MALRD1: variants seen among roughly 807,000 people sequenced by gnomAD.
The protein encoded by MALRD1 is MAM and LDL-receptor class A domain-containing protein 1.
A neutral mutation model predicts 242.1 loss-of-function variants in MALRD1; 247 were observed. That is an observed-to-expected ratio of 1.02 (90% CI 0.92 to 1.13). MALRD1 has a LOEUF of 1.13. Ranked by LOEUF, MALRD1 falls within the 50% of genes most tolerant of loss-of-function variation. The pLI is 0.00. For synonymous variants in MALRD1, 995 were observed against 866.6 expected (o/e 1.15, Z -2.60); for missense variants, 2,989 against 2,533.1 (o/e 1.18, Z -3.86).
intron 4 of MALRD1, among the ~76,000 whole-genome samples, chr10:19,098,613 C>T (rs1260365985): frequency 1.3e-5 from 2 of 152,158 alleles, no homozygotes; most frequent in East Asian, 1.9e-4. Context: ...ATGTATACTA[C>T]TAATTAAGAA....
intron 29 of MALRD1, among the ~76,000 whole-genome samples, chr10:19,466,869 A>G (rs7077661): frequency 0.81 from 123,833 of 152,042 alleles, 50,624 homozygotes; most frequent in East Asian, 1. Flanking sequence ...CATCACATGA[A>G]ACCAGGTGTG....
chr10:19,537,801 C>T (rs1834756810), intron 32 of MALRD1, among the ~76,000 whole-genome samples: 1 of 152,126 alleles, frequency 6.6e-6, no homozygotes, highest in Non-Finnish European at 1.5e-5. Flanking sequence ...TCTTGTCCCT[C>T]CTGTAGGCCC....
chr10:19,156,303 GT>G (rs753789028), intron 12 of MALRD1, among the ~76,000 whole-genome samples: 4,804 of 144,326 alleles, frequency 0.033, 97 homozygotes, highest in African/African-American at 0.049. Context: ...CCTTTCTTTT[GT>G]TTTTTTTTTT....
At chr10:19,463,744 G>T (rs1415430935) in intron 29 of MALRD1, among the ~76,000 whole-genome samples, 1 of 152,112 alleles carries the variant, frequency 6.6e-6, no homozygotes, top group Admixed American at 6.5e-5. Flanking sequence ...TAGTGGGATT[G>T]CTGGATCAAA....
At chr10:19,655,906 G>T (rs1841134638) in intron 36 of MALRD1, among the ~76,000 whole-genome samples, 1 of 152,102 alleles carries the variant, frequency 6.6e-6, no homozygotes, top group African/African-American at 2.4e-5. Context: ...TATAGAATTT[G>T]AGGACAGAGT....
intron 29 of MALRD1, among the ~76,000 whole-genome samples, chr10:19,487,007 T>A (rs1837264937): frequency 6.6e-6 from 1 of 152,186 alleles, no homozygotes. Flanking sequence ...ATAGGATCTT[T>A]CAGTTTCTCA....
At chr10:19,545,604 G>A (rs779317643) in intron 32 of MALRD1, among the ~76,000 whole-genome samples, 10 of 151,718 alleles carry the variant, frequency 6.6e-5, no homozygotes, top group East Asian at 1.9e-4. Flanking sequence ...ACTTTTCCCC[G>A]TATGTGAATA....
At chr10:19,594,588 GC>G (rs1168269853) in intron 33 of MALRD1, among the ~76,000 whole-genome samples, 2 of 152,048 alleles carry the variant, frequency 1.3e-5, no homozygotes, top group Non-Finnish European at 2.9e-5. Flanking sequence ...CAACCCAAAT[GC>G]CCATCAATCA....
At chr10:19,505,588 G>C (rs974793836) in intron 31 of MALRD1, among the ~76,000 whole-genome samples, 1 of 152,204 alleles carries the variant, frequency 6.6e-6, no homozygotes, top group Non-Finnish European at 1.5e-5. Flanking sequence ...AAGTCATTCA[G>C]CCTCTGGTAT....
chr10:19,636,830 C>T (rs1840151588), intron 36 of MALRD1, among the ~76,000 whole-genome samples: 1 of 147,480 alleles, frequency 6.8e-6, no homozygotes, highest in Non-Finnish European at 1.5e-5. Context: ...GCCTGGGAGG[C>T]AGAAGTTGCA....
chr10:19,631,345 T>TAAAAAAC (rs1839892777), intron 36 of MALRD1, among the ~76,000 whole-genome samples: 1 of 152,212 alleles, frequency 6.6e-6, no homozygotes, highest in South Asian at 2.1e-4. Flanking sequence ...TATGGCTGCA[T>TAAAAAAC]AGTATTTCAT....
intron 2 of MALRD1, among the ~76,000 whole-genome samples, chr10:19,084,839 T>C (rs1835613498): frequency 1.3e-5 from 2 of 152,056 alleles, no homozygotes; most frequent in Admixed American, 1.3e-4. Context: ...TTTAAGACTA[T>C]AAATGAAATT....
chr10:19,251,869 C>G (rs1056547837), intron 18 of MALRD1, among the ~76,000 whole-genome samples: 3 of 151,896 alleles, frequency 2.0e-5, no homozygotes, highest in African/African-American at 7.3e-5. Flanking sequence ...TGAGGGAGTT[C>G]TCATGAGATC....
chr10:19,672,543 C>T (rs1009932212), intron 36 of MALRD1, among the ~76,000 whole-genome samples: 7 of 151,782 alleles, frequency 4.6e-5, no homozygotes, highest in Admixed American at 1.3e-4. Context: ...CCTGCCTCAG[C>T]TTCCCGAGTA....
chr10:19,204,403 CTTTCCTT>C lies in MALRD1; in HGVS notation c.2201_2207del (p.Leu734ProfsTer27). 6.5e-7 allele frequency: 1 copy of C among 1,536,662 alleles called. No homozygotes were observed. The highest frequency in any genetic ancestry group is 8.8e-7 in the Non-Finnish European group (1 of 1,140,014). ...CAGCCAGACAGGACCTGGATGCATACTTTCCTTCTGGTAAATATTAAACAAATATTTA... is the reference window on the plus strand; with the variant it reads ...CAGCCAGACAGGACCTGGATGCATACCTGGTAAATATTAAACAAATATTTA... On this transcript the variant is annotated frameshift_variant, in exon 16 of 40. Transcript: ENST00000454679. LOFTEE classifies it high-confidence loss of function.
At chr10:19,172,401 A>T (rs550705623) in intron 13 of MALRD1, among the ~76,000 whole-genome samples, 1 of 151,870 alleles carries the variant, frequency 6.6e-6, no homozygotes, top group Admixed American at 6.6e-5. Context: ...TTGTATAATT[A>T]TGAATTTAAC....
At position 19,221,211 on chromosome 10, in the gene MALRD1, G is replaced by A. The variant is rs143429464; in HGVS notation, c.2991+11531G>A. Among the ~76,000 whole-genome samples, 896 of 152,080 alleles carry A rather than the reference G, an allele frequency of 5.9e-3. 4 individuals are homozygous for A. The highest frequency in any genetic ancestry group is 0.01 in the Non-Finnish European group (682 of 67,986). On this transcript the variant is annotated intron_variant, in intron 18 of 39. Coordinates refer to ENST00000454679, the MANE Select transcript of MALRD1 (RefSeq NM_001142308.3). ...GTACATCATTTTTTTAATACTTCTA[G>A]TAATAAAATGTTTCTGAAGTTATGT...
intron 34 of MALRD1, among the ~76,000 whole-genome samples, chr10:19,606,804 T>C (rs1319667846): frequency 6.6e-6 from 1 of 152,096 alleles, no homozygotes; most frequent in Non-Finnish European, 1.5e-5. Context: ...TATTTCACAC[T>C]GGGTGGCAGC....
chr10:19,338,612 G>A (rs772751964), intron 24 of MALRD1, among the ~76,000 whole-genome samples: 3 of 151,910 alleles, frequency 2.0e-5, no homozygotes, highest in Admixed American at 6.6e-5. Context: ...TGGGGACAAA[G>A]AGCCAAACCA....
Sources: allele counts gnomAD v4.1 joint callset (sites outside exome capture counted in the v4.1 genomes callset), GRCh38; gene constraint gnomAD v4.1.1; transcripts MANE v1.5; gene names NCBI Gene and HGNC (gene_info 2026-07-23, HGNC 2026-07-21).